The following SORCS2 variants were observed in gnomAD, a reference collection of about 807,000 sequenced individuals.
The protein encoded by SORCS2 is VPS10 domain-containing receptor SorCS2.
SORCS2 carries 100 observed loss-of-function variants against 141.6 expected under a neutral mutation model. The observed-to-expected ratio is 0.71, with a 90% CI of 0.60 to 0.83. The LOEUF is 0.83. Among genes scored for constraint, SORCS2 ranks in the 40% least tolerant of loss-of-function variants. The pLI is 0.00. For synonymous variants in SORCS2, 789 were observed against 676.9 expected (o/e 1.17, Z -2.57); for missense variants, 1,646 against 1,560.2 (o/e 1.05, Z -0.93).
Position 7,446,519 on chromosome 4 carries a change from G to C in SORCS2, c.548+50164G>C, listed in dbSNP as rs543760404. 5.3e-5 allele frequency among the ~76,000 whole-genome samples: 8 copies of C among 152,310 alleles called. No homozygotes were observed. The East Asian group carries it at 1.5e-3, about 29-fold the overall frequency. ...ATCGTTCCAATCAACTCAGATGCCT[G>C]GGACACTGCTGAGGGGCTGCCTCTG... On this transcript the variant is annotated intron_variant, in intron 2 of 26. Coordinates refer to ENST00000507866, the MANE Select transcript of SORCS2 (RefSeq NM_020777.3).
At chr4:7,434,684 C>G in intron 2 of SORCS2, 2 of 1,612,756 alleles carry the variant, frequency 1.2e-6, no homozygotes, top group Non-Finnish European at 1.7e-6. Context: ...TCCTGGCATA[C>G]GTCGCAGGGC....
chr4:7,377,140 C>A (rs1312276420), intron 1 of SORCS2, among the ~76,000 whole-genome samples: 1 of 152,086 alleles, frequency 6.6e-6, no homozygotes, highest in African/African-American at 2.4e-5. Context: ...TCACATTGTA[C>A]CATGGGTATT....
chr4:7,573,558 C>T (rs564315245), intron 3 of SORCS2, among the ~76,000 whole-genome samples: 1 of 152,298 alleles, frequency 6.6e-6, no homozygotes, highest in African/African-American at 2.4e-5. Flanking sequence ...CGCTCTGTCG[C>T]CCAGGCTGAA....
At chr4:7,217,172 A>G (rs886556009) in intron 1 of SORCS2, among the ~76,000 whole-genome samples, 1 of 152,062 alleles carries the variant, frequency 6.6e-6, no homozygotes, top group African/African-American at 2.4e-5. Flanking sequence ...GACCAGCCTC[A>G]TTGGGTCCCC....
At chr4:7,414,479 C>T (rs1400575295) in intron 2 of SORCS2, among the ~76,000 whole-genome samples, 1 of 152,166 alleles carries the variant, frequency 6.6e-6, no homozygotes, top group East Asian at 1.9e-4. Flanking sequence ...GTTAAGGAAA[C>T]ACCACACTTT....
intron 3 of SORCS2, among the ~76,000 whole-genome samples, chr4:7,623,897 C>T (rs997649547): frequency 6.6e-6 from 1 of 152,170 alleles, no homozygotes; most frequent in Non-Finnish European, 1.5e-5. Flanking sequence ...AGAGGAAGAG[C>T]AGCGCGCGTC....
chr4:7,323,957 G>GT (rs1478992976), intron 1 of SORCS2, among the ~76,000 whole-genome samples: 1 of 152,178 alleles, frequency 6.6e-6, no homozygotes, highest in African/African-American at 2.4e-5. Flanking sequence ...AACATTTGCA[G>GT]AGACCCCACT....
intron 1 of SORCS2, among the ~76,000 whole-genome samples, chr4:7,340,806 T>C (rs1720326929): frequency 6.6e-6 from 1 of 152,216 alleles, no homozygotes. Flanking sequence ...ATCCTGCGCT[T>C]GGGACCCATT....
intron 2 of SORCS2, among the ~76,000 whole-genome samples, chr4:7,411,165 A>G (rs574380157): frequency 1.7e-3 from 255 of 152,008 alleles, no homozygotes; most frequent in African/African-American, 5.7e-3. Context: ...CATGTTGGCC[A>G]GGATGGTCTC....
chr4:7,293,321 A>T lies in SORCS2; in HGVS notation c.480+100195A>T, dbSNP rs889273063. 9.2e-5 allele frequency among the ~76,000 whole-genome samples: 14 copies of T among 151,846 alleles called. No homozygotes were observed. In the South Asian group the frequency reaches 1.2e-3, roughly 14 times the overall value. ...TCCATCTAAAAAAAAAAAAAAAAGA[A>T]ATGGTGCTTGAGATGTCCCAGCCAC... On this transcript the variant is annotated intron_variant, in intron 1 of 26. Coordinates refer to ENST00000507866, the MANE Select transcript of SORCS2 (RefSeq NM_020777.3).
chr4:7,243,825 G>A lies in SORCS2; in HGVS notation c.480+50699G>A, dbSNP rs536316294. On this transcript the variant is annotated intron_variant, in intron 1 of 26. Transcript: ENST00000507866. ...TCCCTGCGAGGGCAGGCCGGCCTCT[G>A]GGTCAGCACCTCACCAGGGCACCAG... 6.6e-4 allele frequency among the ~76,000 whole-genome samples: 100 copies of A among 152,360 alleles called. 1 individual carries two copies. The highest frequency in any genetic ancestry group is 1.4e-3 in the Admixed American group (21 of 15,306).
At chr4:7,340,657 A>G (rs913062474) in intron 1 of SORCS2, among the ~76,000 whole-genome samples, 24 of 152,186 alleles carry the variant, frequency 1.6e-4, no homozygotes, top group African/African-American at 5.1e-4. Context: ...GCACGCTTGC[A>G]CACCTGTGGG....
At chr4:7,202,563 T>G (rs1286127061) in intron 1 of SORCS2, among the ~76,000 whole-genome samples, 2 of 152,232 alleles carry the variant, frequency 1.3e-5, no homozygotes, top group Non-Finnish European at 2.9e-5. Context: ...GATAATTTCC[T>G]GCAATGTTGA....
chr4:7,694,276 G>C lies in SORCS2; in HGVS notation c.1592-2922G>C, dbSNP rs552288050. Among the ~76,000 whole-genome samples, 3 of 152,272 alleles carry C rather than the reference G, an allele frequency of 2.0e-5. No individual in the cohort carries two copies. The South Asian group carries it at 6.2e-4, about 32-fold the overall frequency. The stretch of plus-strand genomic sequence containing the variant: ...AGACACCAGAACACCCAGGCAGGGA[G>C]GCAGCAGAGAAGCTTCTCCCCTCAT... On this transcript the variant is annotated intron_variant, in intron 11 of 26. Transcript: ENST00000507866.
Position 7,725,174 on chromosome 4 carries a change from C to A in SORCS2, c.2632C>A (p.Leu878Met). 1.2e-6 allele frequency: 2 copies of A among 1,613,480 alleles called. No homozygotes were observed. Among genetic ancestry groups the A allele is most frequent in the African/African-American group, 2.7e-5 (2 of 75,032 alleles). Residue 878 changes from leucine (L) to methionine (M), a missense_variant, in exon 20 of 27, where the codon CTG becomes ATG. Physicochemically the swap from Leu to Met is conservative, Grantham distance 15. Coordinates refer to ENST00000507866, the MANE Select transcript of SORCS2 (RefSeq NM_020777.3). Reference protein sequence around the residue: ...QVNSPLQALYLEVVPVIGLNQ... With the variant: ...QVNSPLQALYMEVVPVIGLNQ... Reference sequence around the variant, plus strand: ...CACAGCCCCCCTGCAGGCCCTCTACCTGGAGGTGGTTCCTGTCATTGGCCT... The same window carrying A: ...CACAGCCCCCCTGCAGGCCCTCTACATGGAGGTGGTTCCTGTCATTGGCCT...
At chr4:7,635,990 T>C (rs1475554992) in intron 3 of SORCS2, among the ~76,000 whole-genome samples, 1 of 152,248 alleles carries the variant, frequency 6.6e-6, no homozygotes, top group East Asian at 1.9e-4. Context: ...ACTATTGATT[T>C]TTGCTCCATG....
intron 19 of SORCS2, among the ~76,000 whole-genome samples, chr4:7,724,497 G>GGTC (rs1726932150): frequency 7.5e-6 from 1 of 134,000 alleles, no homozygotes; most frequent in East Asian, 2.3e-4. Context: ...TGGTGGTGGT[G>GGTC]ACAATGGTGG....
At chr4:7,525,800 A>C (rs1733639047) in intron 2 of SORCS2, among the ~76,000 whole-genome samples, 5 of 105,292 alleles carry the variant, frequency 4.7e-5, no homozygotes, top group African/African-American at 1.2e-4. Context: ...TCCCCTCCTC[A>C]TACCTGTTCC....
At chr4:7,417,165 A>G (rs576500170) in intron 2 of SORCS2, among the ~76,000 whole-genome samples, 2 of 152,078 alleles carry the variant, frequency 1.3e-5, no homozygotes, top group East Asian at 3.9e-4. Flanking sequence ...GGAGCCATAA[A>G]CCTGTTTACA....
Sources: gnomAD v4.1 joint callset for allele counts (sites outside exome capture counted in the v4.1 genomes callset) on GRCh38, gnomAD v4.1.1 for gene constraint, MANE v1.5 for transcripts, NCBI Gene and HGNC (gene_info 2026-07-23, HGNC 2026-07-21) for gene names.